BMPR1B: variants seen among roughly 807,000 people sequenced by gnomAD.
The protein encoded by BMPR1B is bone morphogenetic protein receptor type-1B.
Under a neutral mutation model 59.1 loss-of-function variants are expected in BMPR1B, and 12 were observed. The observed-to-expected ratio is 0.20, with a 90% CI of 0.13 to 0.33. The LOEUF (loss-of-function observed/expected upper bound fraction) is 0.33, where lower values mean the gene tolerates loss of function less well. BMPR1B is among the 10% of genes least tolerant of loss of function. The pLI is 1.00. For missense variants in BMPR1B, 550 were observed against 610.9 expected, an observed-to-expected ratio of 0.90 and a Z score of 1.05; for synonymous variants, 237 against 207.3, an observed-to-expected ratio of 1.14 and a Z score of -1.23.
chr4:95,089,667 C>T (rs1008051296), intron 3 of BMPR1B, among the ~76,000 whole-genome samples: 29 of 151,884 alleles, frequency 1.9e-4, no homozygotes, highest in Non-Finnish European at 4.4e-5. Flanking sequence ...TGTGCCATGC[C>T]CAGATTGAAG....
chr4:95,007,655 C>T (rs936448746), intron 3 of BMPR1B, among the ~76,000 whole-genome samples: 18 of 152,082 alleles, frequency 1.2e-4, no homozygotes, highest in African/African-American at 4.1e-4. Context: ...CTTCTTTTCA[C>T]CTTGCTCCTT....
intron 2 of BMPR1B, among the ~76,000 whole-genome samples, chr4:94,925,257 A>T (rs1728842378): frequency 6.6e-6 from 1 of 152,018 alleles, no homozygotes; most frequent in African/African-American, 2.4e-5. Flanking sequence ...ATTTATGTTG[A>T]CCTCTCTCCT....
At chr4:94,943,757 A>G (rs1729606871) in intron 2 of BMPR1B, among the ~76,000 whole-genome samples, 2 of 152,212 alleles carry the variant, frequency 1.3e-5, no homozygotes, top group Non-Finnish European at 2.9e-5. Flanking sequence ...TTAAACAACT[A>G]GTTAATGGCA....
At chr4:95,002,613 G>C (rs4299590) in intron 3 of BMPR1B, among the ~76,000 whole-genome samples, 34,916 of 152,042 alleles carry the variant, frequency 0.23, 5,181 homozygotes, top group African/African-American at 0.42. Flanking sequence ...AGCAATGAAA[G>C]AATTTTTGAA....
At chr4:94,930,447 A>G (rs1341759872) in intron 2 of BMPR1B, among the ~76,000 whole-genome samples, 1 of 152,066 alleles carries the variant, frequency 6.6e-6, no homozygotes, top group Non-Finnish European at 1.5e-5. Flanking sequence ...GGACTCTAAG[A>G]CACTGTATTG....
At chr4:95,060,006 C>T (rs1426125307) in intron 3 of BMPR1B, among the ~76,000 whole-genome samples, 12 of 152,158 alleles carry the variant, frequency 7.9e-5, no homozygotes. Flanking sequence ...GCTGCAATGG[C>T]CATTGAGTAC....
rs1390200602 is a variant in BMPR1B, at chr4:95,148,930, A to C, written c.1252+7A>C. 6.2e-7 allele frequency: 1 copy of C among 1,613,844 alleles called. No homozygotes were observed. Among genetic ancestry groups the C allele is most frequent in the Admixed American group, 1.7e-5 (1 of 60,010 alleles). On this transcript the variant is annotated splice_region_variant and intron_variant, in intron 11 of 12. Transcript: ENST00000515059. ...AGGAGATGTGTATCAGGAGGTAAGA[A>C]ACAGTGCTGTCTTTGAAAAGCTACT...
chr4:95,072,001 C>T (rs1183989497), intron 3 of BMPR1B, among the ~76,000 whole-genome samples: 2 of 151,756 alleles, frequency 1.3e-5, no homozygotes, highest in Non-Finnish European at 2.9e-5. Context: ...GCTAACAAGT[C>T]CCAAGATCTG....
intron 1 of BMPR1B, among the ~76,000 whole-genome samples, chr4:94,789,168 G>T (rs1161520692): frequency 6.6e-6 from 1 of 152,310 alleles, no homozygotes; most frequent in East Asian, 1.9e-4. Context: ...ATCACAATCC[G>T]ATTGAGAAAT....
chr4:94,965,501 A>T (rs1730520759), intron 2 of BMPR1B, among the ~76,000 whole-genome samples: 1 of 152,096 alleles, frequency 6.6e-6, no homozygotes, highest in Admixed American at 6.5e-5. Context: ...ATGCAAATCC[A>T]TTTGTTTTCT....
chr4:95,154,699 G>A lies in BMPR1B; in HGVS notation c.*26G>A, dbSNP rs1450163928. 1 of 1,613,352 alleles carries A rather than the reference G, an allele frequency of 6.2e-7. No individual in the cohort carries two copies. Among genetic ancestry groups the A allele is most frequent in the African/African-American group, 1.3e-5 (1 of 74,892 alleles). On this transcript the variant is annotated 3_prime_UTR_variant, in exon 13 of 13. Transcript: ENST00000515059. ...TAGGAGAGGAAAAGTAAGCATCTCTGCAGAAAGCCAACAGGTACTCTTCTG... is the reference window on the plus strand; with the variant it reads ...TAGGAGAGGAAAAGTAAGCATCTCTACAGAAAGCCAACAGGTACTCTTCTG...
chr4:94,855,724 T>C (rs1054495066), intron 1 of BMPR1B, among the ~76,000 whole-genome samples: 1 of 152,222 alleles, frequency 6.6e-6, no homozygotes, highest in African/African-American at 2.4e-5. Context: ...AGATAAACAG[T>C]GCCTTCTAGT....
chr4:94,913,979 C>G (rs1728383940), intron 2 of BMPR1B, among the ~76,000 whole-genome samples: 1 of 152,114 alleles, frequency 6.6e-6, no homozygotes, highest in Admixed American at 6.6e-5. Context: ...TATGGAAATA[C>G]AGACATTATT....
At chr4:95,026,114 C>CTTTCT (rs1553928478) in intron 3 of BMPR1B, among the ~76,000 whole-genome samples, 1 of 142,508 alleles carries the variant, frequency 7.0e-6, no homozygotes, top group Admixed American at 7.2e-5. Context: ...TTCTTTCTTT[C>CTTTCT]TTTCTTTCTT....
chr4:94,989,413 T>C (rs1029735604), intron 2 of BMPR1B, among the ~76,000 whole-genome samples: 5 of 148,432 alleles, frequency 3.4e-5, no homozygotes, highest in African/African-American at 1.2e-4. Context: ...ACAAAAAAAA[T>C]CATTCACTAC....
chr4:95,091,926 G>T (rs745426958), intron 3 of BMPR1B, among the ~76,000 whole-genome samples: 2 of 151,938 alleles, frequency 1.3e-5, no homozygotes, highest in African/African-American at 4.8e-5. Context: ...GTGTGAGTGC[G>T]TGTTTGCCCC....
intron 1 of BMPR1B, among the ~76,000 whole-genome samples, chr4:94,847,130 C>G (rs991076030): frequency 6.6e-6 from 1 of 152,118 alleles, no homozygotes; most frequent in African/African-American, 2.4e-5. Flanking sequence ...GGCAGAAAAT[C>G]TGAAGAAACA....
At chr4:94,820,714 T>G (rs918243432) in intron 1 of BMPR1B, among the ~76,000 whole-genome samples, 1 of 152,290 alleles carries the variant, frequency 6.6e-6, no homozygotes, top group East Asian at 1.9e-4. Flanking sequence ...AGTGTAGATA[T>G]ATTTTCAGTT....
At chr4:94,908,790 A>C (rs1177945218) in intron 2 of BMPR1B, among the ~76,000 whole-genome samples, 10 of 152,164 alleles carry the variant, frequency 6.6e-5, no homozygotes, top group Middle Eastern at 6.8e-3. Flanking sequence ...AACATTATAA[A>C]AACCCTTATC....
Sources: allele counts gnomAD v4.1 joint callset (sites outside exome capture counted in the v4.1 genomes callset), GRCh38; gene constraint gnomAD v4.1.1; transcripts MANE v1.5; gene names NCBI Gene and HGNC (gene_info 2026-07-23, HGNC 2026-07-21).